Variants in AUH observed in about 807,000 individuals in gnomAD.
AUH encodes the protein methylglutaconyl-CoA hydratase, mitochondrial.
In AUH, 29 loss-of-function variants were observed where a neutral mutation model predicts 42.3. That is an observed-to-expected ratio of 0.69 (90% CI 0.51 to 0.93). AUH has a LOEUF of 0.93. Among genes scored for constraint, AUH ranks in the 40% least tolerant of loss-of-function variants. The pLI, the probability that AUH is intolerant of heterozygous loss-of-function variation, is 0.00. For missense variants in AUH, 452 were observed against 438.1 expected, an observed-to-expected ratio of 1.03 and a Z score of -0.28; for synonymous variants, 174 against 166.4, an observed-to-expected ratio of 1.05 and a Z score of -0.35.
chr9:91,276,918 A>T (rs537188633), intron 6 of AUH, among the ~76,000 whole-genome samples: 65 of 152,328 alleles, frequency 4.3e-4, no homozygotes, highest in African/African-American at 1.4e-3. Flanking sequence ...AATGTATTAT[A>T]CAACACCTGT....
At chr9:91,248,849 T>C (rs1828946432) in intron 6 of AUH, among the ~76,000 whole-genome samples, 1 of 152,128 alleles carries the variant, frequency 6.6e-6, no homozygotes, top group Non-Finnish European at 1.5e-5. Flanking sequence ...CAAGAACCAA[T>C]GATGATGTTA....
chr9:91,240,481 G>A (rs1163229459), intron 6 of AUH, among the ~76,000 whole-genome samples: 2 of 152,146 alleles, frequency 1.3e-5, no homozygotes, highest in African/African-American at 4.8e-5. Flanking sequence ...TGGAAGGAAT[G>A]GCTGGGCTAG....
chr9:91,304,468 G>A (rs1016027497), intron 4 of AUH, among the ~76,000 whole-genome samples: 1 of 152,202 alleles, frequency 6.6e-6, no homozygotes, highest in Non-Finnish European at 1.5e-5. Context: ...GACCATGAGT[G>A]GCAACAGCAT....
chr9:91,307,634 A>G (rs1269351319), intron 4 of AUH, among the ~76,000 whole-genome samples: 2 of 152,222 alleles, frequency 1.3e-5, no homozygotes, highest in African/African-American at 4.8e-5. Context: ...TTGAGAACAG[A>G]CTATATTCAT....
intron 3 of AUH, among the ~76,000 whole-genome samples, chr9:91,355,586 G>T (rs1412919413): frequency 6.6e-6 from 1 of 151,664 alleles, no homozygotes; most frequent in East Asian, 1.9e-4. Flanking sequence ...AAGAATATTG[G>T]CCACAATTAA....
At chr9:91,344,124 C>T (rs1831307230) in intron 3 of AUH, among the ~76,000 whole-genome samples, 3 of 152,168 alleles carry the variant, frequency 2.0e-5, no homozygotes, top group African/African-American at 4.8e-5. Flanking sequence ...ACAGAACAGG[C>T]CCTTTAAGTC....
At chr9:91,355,519 T>G (rs1045343705) in intron 3 of AUH, among the ~76,000 whole-genome samples, 3 of 151,348 alleles carry the variant, frequency 2.0e-5, no homozygotes, top group Non-Finnish European at 2.9e-5. Flanking sequence ...ATCACGCCAC[T>G]GCAGCCTGGG....
chr9:91,227,177 C>T (rs1480698600), intron 6 of AUH, among the ~76,000 whole-genome samples: 12 of 150,868 alleles, frequency 8.0e-5, no homozygotes, highest in Admixed American at 6.6e-4. Context: ...ATTCTTCCTA[C>T]CCATGAGCAT....
chr9:91,226,676 T>C (rs1408084781), intron 6 of AUH, among the ~76,000 whole-genome samples: 1 of 121,930 alleles, frequency 8.2e-6, no homozygotes, highest in African/African-American at 3.1e-5. Context: ...AGGGTTTTTA[T>C]GGTTTTAGGT....
intron 3 of AUH, among the ~76,000 whole-genome samples, chr9:91,346,758 C>T (rs911604328): frequency 6.6e-6 from 1 of 151,792 alleles, no homozygotes; most frequent in South Asian, 2.1e-4. Context: ...ATGCAACTCA[C>T]AAGTCCCAGG....
intron 6 of AUH, among the ~76,000 whole-genome samples, chr9:91,289,907 C>T (rs1288979197): frequency 6.6e-6 from 1 of 152,086 alleles, no homozygotes. Context: ...ACCTAGGGTA[C>T]TTTAAGAACT....
chr9:91,230,252 GTTTC>G (rs1166788467), intron 6 of AUH, among the ~76,000 whole-genome samples: 9 of 152,056 alleles, frequency 5.9e-5, no homozygotes, highest in Admixed American at 5.9e-4. Flanking sequence ...GGCTTTGCTC[GTTTC>G]TTTTTCTTTT....
intron 9 of AUH, among the ~76,000 whole-genome samples, chr9:91,215,223 A>ATT (rs916350659): frequency 6.7e-6 from 1 of 149,938 alleles, no homozygotes; most frequent in Non-Finnish European, 1.5e-5. Flanking sequence ...AAGGGAAAAC[A>ATT]TTTTTTTTTT....
intron 6 of AUH, among the ~76,000 whole-genome samples, chr9:91,259,244 A>G (rs1829573720): frequency 6.6e-6 from 1 of 152,152 alleles, no homozygotes; most frequent in Non-Finnish European, 1.5e-5. Flanking sequence ...TGTTTTGGTA[A>G]TTGTGTCTTG....
intron 6 of AUH, among the ~76,000 whole-genome samples, chr9:91,243,668 T>C (rs2131350724): frequency 6.6e-6 from 1 of 152,334 alleles, no homozygotes; most frequent in South Asian, 2.1e-4. Flanking sequence ...CAGAGGGGCC[T>C]GAGCCGATGT....
At chr9:91,292,586 T>G (rs547033134) in intron 6 of AUH, among the ~76,000 whole-genome samples, 1 of 152,064 alleles carries the variant, frequency 6.6e-6, no homozygotes, top group South Asian at 2.1e-4. Context: ...GGCACCTCTC[T>G]TCTTCTTCCA....
intron 6 of AUH, among the ~76,000 whole-genome samples, chr9:91,252,340 C>T (rs183707712): frequency 1.1e-3 from 169 of 151,322 alleles, no homozygotes; most frequent in South Asian, 7.8e-3. Context: ...AAGAGCTACA[C>T]GTTAGTATGA....
intron 6 of AUH, among the ~76,000 whole-genome samples, chr9:91,257,245 T>TA (rs147946599): frequency 0.019 from 2,887 of 152,200 alleles, 42 homozygotes; most frequent in Non-Finnish European, 0.031. Flanking sequence ...TGGAAACAGC[T>TA]AGTAGTCTCT....
At position 91,361,756 on chromosome 9, in the gene AUH, G is replaced by A. The variant is rs980622419; in HGVS notation, c.134C>T (p.Ala45Val). 6.5e-7 allele frequency: 1 copy of A among 1,544,448 alleles called. No homozygotes were observed. The highest frequency in any genetic ancestry group is 1.2e-5 in the South Asian group (1 of 83,258). The change falls in exon 1 of 10, where the codon GCG becomes GTG. Residue 45 changes from alanine (A) to valine (V), a missense_variant. Coordinates refer to ENST00000375731, the MANE Select transcript of AUH (RefSeq NM_001698.3). ...GCCCTGGGCCCAGATCGCCGGGCCCGCTCGCCGGCCTGCCAACGAGCCGGG... is the reference window on the plus strand; with the variant it reads ...GCCCTGGGCCCAGATCGCCGGGCCCACTCGCCGGCCTGCCAACGAGCCGGG... ...RLPGSLAGRR[A>V]GPAIWAQGWV...
Sources: gnomAD v4.1 joint callset for allele counts (sites outside exome capture counted in the v4.1 genomes callset) on GRCh38, gnomAD v4.1.1 for gene constraint, MANE v1.5 for transcripts, NCBI Gene and HGNC (gene_info 2026-07-23, HGNC 2026-07-21) for gene names.